Variants in TMEM132D observed in about 807,000 individuals in gnomAD.
TMEM132D encodes mature OL transmembrane protein.
In TMEM132D, 21 loss-of-function variants were observed where a neutral mutation model predicts 62.3. That is an observed-to-expected ratio of 0.34 (90% CI 0.24 to 0.49). The LOEUF is 0.49. Among genes scored for constraint, TMEM132D ranks in the 20% least tolerant of loss-of-function variants. The probability of loss-of-function intolerance (pLI) is 0.99; values close to 1 mark genes in which losing one functional copy is unlikely to be tolerated. For missense variants in TMEM132D, 1,346 were observed against 1,402.8 expected, an observed-to-expected ratio of 0.96 and a Z score of 0.65; for synonymous variants, 621 against 575.6, an observed-to-expected ratio of 1.08 and a Z score of -1.13.
rs536694878 is a variant in TMEM132D, at chr12:129,371,911, G to A, written c.1116-34094C>T. On this transcript the variant is annotated intron_variant, in intron 3 of 8. Transcript: ENST00000422113. The surrounding 1 kb of genome is among the most constrained non-coding windows in gnomAD (Gnocchi z 4.3). ...AGATATATGCTACAGCCCAGATCCTGAGATGCCAGCATTCTTGTTGTTGTG... is the reference window on the plus strand; with the variant it reads ...AGATATATGCTACAGCCCAGATCCTAAGATGCCAGCATTCTTGTTGTTGTG... 6.6e-6 allele frequency among the ~76,000 whole-genome samples: 1 copy of A among 152,310 alleles called. No individual in the cohort carries two copies. Among genetic ancestry groups the A allele is most frequent in the African/African-American group, 2.4e-5 (1 of 41,564 alleles).
chr12:129,293,810 T>C (rs1593326222), intron 4 of TMEM132D, among the ~76,000 whole-genome samples: 1 of 152,094 alleles, frequency 6.6e-6, no homozygotes, highest in East Asian at 1.9e-4. Context: ...CAGCTGTAAA[T>C]ACAGATGAAG....
intron 3 of TMEM132D, among the ~76,000 whole-genome samples, chr12:129,372,574 T>A (rs1870646270): frequency 1.7e-5 from 2 of 120,572 alleles, no homozygotes; most frequent in Non-Finnish European, 3.7e-5. Context: ...TCCTGTCAGA[T>A]CAGGATCAGC....
At chr12:129,660,147 T>A (rs1050120684) in intron 2 of TMEM132D, among the ~76,000 whole-genome samples, 1 of 152,110 alleles carries the variant, frequency 6.6e-6, no homozygotes, top group Non-Finnish European at 1.5e-5. Context: ...GGATGACTCA[T>A]GTATTGTAAA....
At chr12:129,451,502 T>C (rs1295856376) in intron 3 of TMEM132D, among the ~76,000 whole-genome samples, 1 of 152,224 alleles carries the variant, frequency 6.6e-6, no homozygotes, top group Non-Finnish European at 1.5e-5. Context: ...ATAAATCATG[T>C]AAATTAATGA....
At chr12:129,655,655 C>G (rs1880053349) in intron 2 of TMEM132D, among the ~76,000 whole-genome samples, 1 of 151,908 alleles carries the variant, frequency 6.6e-6, no homozygotes, top group Admixed American at 6.6e-5. Context: ...TCCACAAAAC[C>G]ACAAAGATGC....
At chr12:129,644,178 T>C (rs1879709534) in intron 2 of TMEM132D, among the ~76,000 whole-genome samples, 1 of 152,118 alleles carries the variant, frequency 6.6e-6, no homozygotes, top group Non-Finnish European at 1.5e-5. Flanking sequence ...CCTTAAAATA[T>C]ATAAAACCAA....
intron 5 of TMEM132D, among the ~76,000 whole-genome samples, chr12:129,139,891 T>G (rs1470881141): frequency 6.6e-6 from 1 of 151,988 alleles, no homozygotes; most frequent in Non-Finnish European, 1.5e-5. Flanking sequence ...TTGTATTTTT[T>G]TTTTTGTAGA....
intron 4 of TMEM132D, among the ~76,000 whole-genome samples, chr12:129,302,622 C>T (rs1881748347): frequency 6.6e-6 from 1 of 152,210 alleles, no homozygotes; most frequent in African/African-American, 2.4e-5. Context: ...GGCTCAGGCC[C>T]ATTCCAGATG....
chr12:129,887,189 G>C (rs545116469), intron 1 of TMEM132D, among the ~76,000 whole-genome samples: 128 of 152,238 alleles, frequency 8.4e-4, no homozygotes, highest in South Asian at 3.1e-3. Context: ...CATAAAAACA[G>C]CACTGGCAGG....
At chr12:129,143,750 ATTT>A (rs1876810280) in intron 5 of TMEM132D, among the ~76,000 whole-genome samples, 1 of 152,164 alleles carries the variant, frequency 6.6e-6, no homozygotes. Flanking sequence ...AAGGAATGCC[ATTT>A]TTGGGTTCTG....
chr12:129,834,825 C>T (rs1412210657), intron 1 of TMEM132D, among the ~76,000 whole-genome samples: 6 of 152,146 alleles, frequency 3.9e-5, no homozygotes, highest in Non-Finnish European at 8.8e-5. Flanking sequence ...GCACATTGGG[C>T]CGTTTTATTC....
chr12:129,753,861 T>C (rs982294236), intron 1 of TMEM132D, among the ~76,000 whole-genome samples: 2 of 152,224 alleles, frequency 1.3e-5, no homozygotes, highest in African/African-American at 2.4e-5. Flanking sequence ...CCTATAATTC[T>C]TTCTCATCTT....
chr12:129,647,975 T>A (rs1879829968), intron 2 of TMEM132D, among the ~76,000 whole-genome samples: 1 of 152,168 alleles, frequency 6.6e-6, no homozygotes, highest in South Asian at 2.1e-4. Flanking sequence ...AAGTTCGTAG[T>A]TTAAATTTGA....
chr12:129,283,327 G>A (rs897731851), intron 4 of TMEM132D, among the ~76,000 whole-genome samples: 5 of 152,132 alleles, frequency 3.3e-5, no homozygotes, highest in African/African-American at 1.2e-4. Context: ...CAGTAGCTGG[G>A]ATTACAGGTG....
chr12:129,820,878 C>T (rs554938568), intron 1 of TMEM132D, among the ~76,000 whole-genome samples: 19 of 152,210 alleles, frequency 1.2e-4, no homozygotes, highest in Non-Finnish European at 2.4e-4. Flanking sequence ...TGTGCACCAA[C>T]ACGCCTGGCT....
intron 2 of TMEM132D, among the ~76,000 whole-genome samples, chr12:129,563,383 G>A (rs1384324964): frequency 6.6e-6 from 1 of 152,092 alleles, no homozygotes; most frequent in Admixed American, 6.5e-5. Flanking sequence ...TTGGGTATGT[G>A]TGCACCTGTG....
chr12:129,802,409 C>A (rs1397267820), intron 1 of TMEM132D, among the ~76,000 whole-genome samples: 2 of 73,404 alleles, frequency 2.7e-5, no homozygotes, highest in East Asian at 3.6e-4. Flanking sequence ...AAAGAATTTT[C>A]AACCCAGAAT....
At chr12:129,691,485 G>C (rs868040280) in intron 2 of TMEM132D, among the ~76,000 whole-genome samples, 13 of 151,974 alleles carry the variant, frequency 8.6e-5, no homozygotes, top group African/African-American at 2.9e-4. Flanking sequence ...TAACAAAAAT[G>C]AAAGAAGAGT....
At chr12:129,238,372 C>T (rs1267853320) in intron 4 of TMEM132D, among the ~76,000 whole-genome samples, 1 of 152,192 alleles carries the variant, frequency 6.6e-6, no homozygotes, top group Non-Finnish European at 1.5e-5. Flanking sequence ...TAACCATTTT[C>T]AAGTGTATAG....
Sources: allele counts gnomAD v4.1 joint callset (sites outside exome capture counted in the v4.1 genomes callset), GRCh38; gene constraint gnomAD v4.1.1; non-coding constraint Gnocchi (gnomAD v3.1); transcripts MANE v1.5; gene names NCBI Gene and HGNC (gene_info 2026-07-23, HGNC 2026-07-21).